Variants in ENOX1 observed in about 807,000 individuals in gnomAD.
ENOX1 encodes candidate growth-related and time keeping constitutive hydroquinone (NADH) oxidase.
A neutral mutation model predicts 82.5 loss-of-function variants in ENOX1; 42 were observed. That is an observed-to-expected ratio of 0.51 (90% CI 0.40 to 0.66). ENOX1 has a LOEUF of 0.66. ENOX1 is among the 30% of genes least tolerant of loss of function. ENOX1 has a pLI of 0.00. For missense variants in ENOX1, 608 were observed against 811.6 expected, an observed-to-expected ratio of 0.75 and a Z score of 3.05; for synonymous variants, 271 against 282.2, an observed-to-expected ratio of 0.96 and a Z score of 0.40.
chr13:43,291,198 C>CTGTT (rs2045979843), intron 12 of ENOX1, among the ~76,000 whole-genome samples: 1 of 152,130 alleles, frequency 6.6e-6, no homozygotes, highest in African/African-American at 2.4e-5. Context: ...AGAGGAAGAA[C>CTGTT]TGTTTGTTCT....
intron 11 of ENOX1, among the ~76,000 whole-genome samples, chr13:43,320,187 C>T (rs1272260654): frequency 6.6e-6 from 1 of 152,212 alleles, no homozygotes; most frequent in African/African-American, 2.4e-5. Flanking sequence ...GCCTTCCTTT[C>T]CCTTTAATCA....
chr13:43,566,222 T>C (rs1318828597), intron 2 of ENOX1, among the ~76,000 whole-genome samples: 2 of 152,160 alleles, frequency 1.3e-5, no homozygotes, highest in East Asian at 3.8e-4. Flanking sequence ...TGAATTAATA[T>C]GCCAGTTTGT....
intron 8 of ENOX1, among the ~76,000 whole-genome samples, chr13:43,345,724 G>C (rs891288961): frequency 6.6e-6 from 1 of 152,174 alleles, no homozygotes; most frequent in South Asian, 2.1e-4. Flanking sequence ...CAAACCTGAG[G>C]GGAGAAGCTT....
intron 1 of ENOX1, among the ~76,000 whole-genome samples, chr13:43,783,348 A>T (rs1285319049): frequency 6.6e-6 from 1 of 152,244 alleles, no homozygotes; most frequent in African/African-American, 2.4e-5. Context: ...GTACAATATT[A>T]GAAATTACAT....
chr13:43,653,887 A>T (rs1057480894), intron 2 of ENOX1, among the ~76,000 whole-genome samples: 1 of 152,226 alleles, frequency 6.6e-6, no homozygotes, highest in Non-Finnish European at 1.5e-5. Flanking sequence ...AAGTGCCAGT[A>T]AAAATGCCAC....
chr13:43,399,328 T>C (rs780230433), intron 5 of ENOX1, among the ~76,000 whole-genome samples: 2 of 152,166 alleles, frequency 1.3e-5, no homozygotes, highest in African/African-American at 2.4e-5. Flanking sequence ...GGGTCAGCTA[T>C]AGTGTCACAG....
intron 9 of ENOX1, among the ~76,000 whole-genome samples, chr13:43,329,331 C>A (rs2048296226): frequency 6.6e-6 from 1 of 152,086 alleles, no homozygotes. Context: ...GTGGCACAGG[C>A]AGTCATTTGA....
intron 5 of ENOX1, among the ~76,000 whole-genome samples, chr13:43,386,861 G>A (rs919401661): frequency 6.6e-6 from 1 of 152,106 alleles, no homozygotes; most frequent in Non-Finnish European, 1.5e-5. Context: ...TTGACAACAA[G>A]CTTTCAAATT....
chr13:43,264,868 G>A (rs2044278202), intron 14 of ENOX1, among the ~76,000 whole-genome samples: 1 of 152,180 alleles, frequency 6.6e-6, no homozygotes, highest in South Asian at 2.1e-4. Flanking sequence ...GTGTAACTGG[G>A]ATCTTGTACC....
intron 11 of ENOX1, among the ~76,000 whole-genome samples, chr13:43,310,368 A>G (rs2047132194): frequency 6.6e-6 from 1 of 152,152 alleles, no homozygotes; most frequent in Admixed American, 6.5e-5. Flanking sequence ...TAAAGAGGTC[A>G]GCGATGGAAC....
At chr13:43,737,931 C>A (rs182292876) in intron 1 of ENOX1, among the ~76,000 whole-genome samples, 2 of 152,248 alleles carry the variant, frequency 1.3e-5, no homozygotes, top group African/African-American at 4.8e-5. Flanking sequence ...AAAAAATCAG[C>A]CTTACTGAAA....
At chr13:43,307,310 A>G (rs2046924215) in intron 11 of ENOX1, among the ~76,000 whole-genome samples, 1 of 152,196 alleles carries the variant, frequency 6.6e-6, no homozygotes, top group African/African-American at 2.4e-5. Flanking sequence ...TGGCATCTTG[A>G]GGTATCTGTA....
At chr13:43,531,581 C>A (rs1470137846) in intron 2 of ENOX1, among the ~76,000 whole-genome samples, 1 of 146,438 alleles carries the variant, frequency 6.8e-6, no homozygotes, top group Non-Finnish European at 1.5e-5. Flanking sequence ...TGGGTATATA[C>A]CCAAAGGATT....
chr13:43,339,359 T>C (rs1011723024), intron 9 of ENOX1, among the ~76,000 whole-genome samples: 1 of 152,182 alleles, frequency 6.6e-6, no homozygotes, highest in Non-Finnish European at 1.5e-5. Flanking sequence ...AGAAAGGAGA[T>C]AGGTGCATCT....
chr13:43,571,564 C>T (rs2080181414), intron 2 of ENOX1, among the ~76,000 whole-genome samples: 1 of 151,804 alleles, frequency 6.6e-6, no homozygotes, highest in South Asian at 2.1e-4. Flanking sequence ...GTAGTGCATG[C>T]CTGTAATCCC....
intron 12 of ENOX1, among the ~76,000 whole-genome samples, chr13:43,285,674 C>T (rs1297693774): frequency 6.6e-6 from 1 of 151,908 alleles, no homozygotes; most frequent in Non-Finnish European, 1.5e-5. Flanking sequence ...GGCATGGTGG[C>T]AGGCACCTGT....
chr13:43,289,641 A>G (rs928334213), intron 12 of ENOX1, among the ~76,000 whole-genome samples: 1 of 152,246 alleles, frequency 6.6e-6, no homozygotes, highest in African/African-American at 2.4e-5. Context: ...CAATCTGGAA[A>G]TTCTCTTCTC....
chr13:43,777,510 T>G (rs375717092), intron 1 of ENOX1, among the ~76,000 whole-genome samples: 1 of 152,126 alleles, frequency 6.6e-6, no homozygotes, highest in African/African-American at 2.4e-5. Context: ...GTTATCTTTG[T>G]GCAAAGATAT....
intron 2 of ENOX1, among the ~76,000 whole-genome samples, chr13:43,609,433 G>A (rs2082108219): frequency 6.6e-6 from 1 of 152,016 alleles, no homozygotes; most frequent in Non-Finnish European, 1.5e-5. Context: ...TTTATGTTTT[G>A]GTACAATGAA....
Sources: gnomAD v4.1 joint callset for allele counts (sites outside exome capture counted in the v4.1 genomes callset) on GRCh38, gnomAD v4.1.1 for gene constraint, MANE v1.5 for transcripts, NCBI Gene and HGNC (gene_info 2026-07-23, HGNC 2026-07-21) for gene names.